CCNT1: variants seen among roughly 807,000 people sequenced by gnomAD.
CCNT1 encodes the protein cyclin-T1.
Under a neutral mutation model 67.3 loss-of-function variants are expected in CCNT1, and 18 were observed. The observed-to-expected ratio is 0.27, with a 90% confidence interval of 0.18 to 0.40. The LOEUF is 0.40. Ranked by LOEUF, CCNT1 falls within the 10% of genes least tolerant of loss-of-function variation. The pLI, the probability that CCNT1 is intolerant of heterozygous loss-of-function variation, is 1.00. For missense variants in CCNT1, 744 were observed against 884.9 expected (o/e 0.84, Z 2.02); for synonymous variants, 333 against 310.3 (o/e 1.07, Z -0.77).
chr12:48,697,724 CAGG>C (rs1350541802), intron 6 of CCNT1, among the ~76,000 whole-genome samples: 2 of 146,630 alleles, frequency 1.4e-5, no homozygotes, highest in African/African-American at 2.5e-5. Flanking sequence ...GAGGCTGAGG[CAGG>C]AGAATGGTGT....
rs772680950 is a variant in CCNT1 at position 48,699,855 on chromosome 12, T to C, written c.434-15A>G. On this transcript the variant is annotated splice_polypyrimidine_tract_variant and intron_variant, in intron 4 of 8. Coordinates refer to ENST00000261900, the MANE Select transcript of CCNT1 (RefSeq NM_001240.4). Reference sequence around the variant, plus strand: ...TAGTTCAAAGCCTTAAAAGAAAAAGTAATGGATTAAAAAACTATTAAGAAG... The same window carrying C: ...TAGTTCAAAGCCTTAAAAGAAAAAGCAATGGATTAAAAAACTATTAAGAAG... The C allele has an allele frequency of 6.5e-7, 1 of 1,529,914 alleles. No individual in the cohort carries two copies. The highest frequency in any genetic ancestry group is 1.4e-5 in the African/African-American group (1 of 72,986). The allele number at this position is 1,529,914 out of a possible 1,614,324, so 94.8% of individuals were successfully genotyped here.
At chr12:48,694,926 C>A (rs956891363) in intron 8 of CCNT1, among the ~76,000 whole-genome samples, 2 of 152,278 alleles carry the variant, frequency 1.3e-5, no homozygotes, top group Admixed American at 6.5e-5. Context: ...CGAGTTCAAG[C>A]GATTCTCCTG....
At chr12:48,700,579 A>C (rs556689879) in intron 4 of CCNT1, among the ~76,000 whole-genome samples, 1 of 152,298 alleles carries the variant, frequency 6.6e-6, no homozygotes, top group Non-Finnish European at 1.5e-5. Flanking sequence ...TAATAACACA[A>C]TATCATCAGA....
At chr12:48,711,148 G>A (rs1179242623) in intron 2 of CCNT1, among the ~76,000 whole-genome samples, 1 of 151,946 alleles carries the variant, frequency 6.6e-6, no homozygotes, top group Admixed American at 6.6e-5. Flanking sequence ...CTGGAAGGAT[G>A]AGGCGGGCAG....
At chr12:48,713,149 T>C (rs951591228) in intron 2 of CCNT1, among the ~76,000 whole-genome samples, 1 of 152,038 alleles carries the variant, frequency 6.6e-6, no homozygotes, top group Non-Finnish European at 1.5e-5. Context: ...AAATAAAATT[T>C]CTTTATTAGT....
In CCNT1 at chr12:48,714,473, C is replaced by T; in HGVS notation, c.213G>A (p.Met71Ile). ...CAGGGAACTGTGTGAAGGACTGAATCATGTAGAATCGATGCATGTATACTA... is the reference window on the plus strand; with the variant it reads ...CAGGGAACTGTGTGAAGGACTGAATTATGTAGAATCGATGCATGTATACTA... ...TAIVYMHRFYMIQSFTQFPGN... is the reference protein window; with the variant it reads ...TAIVYMHRFYIIQSFTQFPGN... Residue 71 changes from methionine (M) to isoleucine (I), a missense_variant, in exon 2 of 9, where the codon ATG (methionine) becomes ATA (isoleucine). Met to Ile is a conservative substitution (Grantham distance 10). This residue lies in a region of CCNT1 where 142 missense variants were observed against 277.0 expected (regional missense o/e 0.51). Coordinates refer to ENST00000261900, the MANE Select transcript of CCNT1 (RefSeq NM_001240.4). 1 of 1,609,380 alleles carries T rather than the reference C, an allele frequency of 6.2e-7. No homozygotes were observed. Among genetic ancestry groups the T allele is most frequent in the Non-Finnish European group, 8.5e-7 (1 of 1,175,912 alleles).
At chr12:48,703,641 AAT>A (rs1283171889) in intron 3 of CCNT1, among the ~76,000 whole-genome samples, 1 of 152,018 alleles carries the variant, frequency 6.6e-6, no homozygotes, top group Non-Finnish European at 1.5e-5. Flanking sequence ...AAAAATGTAT[AAT>A]AATATTTTTC....
chr12:48,697,573 C>T (rs1321222095), intron 6 of CCNT1, among the ~76,000 whole-genome samples: 1 of 143,582 alleles, frequency 7.0e-6, no homozygotes, highest in Non-Finnish European at 1.5e-5. Context: ...GTAATCCCAG[C>T]ACTTTGGGAG....
In CCNT1 at chr12:48,689,344, C is replaced by T. The variant is rs1940036036; in HGVS notation, c.*3689G>A. On this transcript the variant is annotated 3_prime_UTR_variant, in exon 9 of 9. Coordinates refer to ENST00000261900, the MANE Select transcript of CCNT1 (RefSeq NM_001240.4). ...TATCAGGCAGGATTACTGTACCGTG[C>T]TTGTTTCAAACTCACATCCACGGAG... is the stretch of plus-strand genomic sequence containing the variant. 6.6e-6 allele frequency: 1 copy of T among 152,202 alleles called. No individual in the cohort carries two copies. Among genetic ancestry groups the T allele is most frequent in the African/African-American group, 2.4e-5 (1 of 41,456 alleles). 9.4% of individuals were successfully genotyped at this position (152,202 alleles called of 1,614,324 possible).
At chr12:48,694,527 G>C in intron 8 of CCNT1, 91 bp from the exon 9 acceptor site, 2 of 1,155,850 alleles carry the variant, frequency 1.7e-6, no homozygotes, top group Non-Finnish European at 1.2e-6. Context: ...AGCAACACTG[G>C]AAGTTCTGGA....
chr12:48,695,725 T>C (rs772437511), intron 8 of CCNT1, 34 bp downstream of exon 8: 22 of 1,483,394 alleles, frequency 1.5e-5, no homozygotes, highest in Non-Finnish European at 2.1e-5. Context: ...AAGAAATTGA[T>C]TTTGTTCCAC....
At chr12:48,705,487 G>A (rs910361383) in intron 3 of CCNT1, 1 of 300,522 alleles carries the variant, frequency 3.3e-6, no homozygotes, top group Non-Finnish European at 6.1e-6. Flanking sequence ...TGTCCAGGTT[G>A]GTCTTAAACT....
chr12:48,709,894 C>CTTTTT (rs1256637528), intron 2 of CCNT1, among the ~76,000 whole-genome samples: 3 of 148,390 alleles, frequency 2.0e-5, no homozygotes, highest in Admixed American at 6.7e-5. Context: ...TGGGTTTCTT[C>CTTTTT]ATTTTTTTTT....
intron 2 of CCNT1, among the ~76,000 whole-genome samples, chr12:48,712,158 G>C (rs1038709746): frequency 6.6e-6 from 1 of 152,054 alleles, no homozygotes; most frequent in Non-Finnish European, 1.5e-5. Context: ...TACTGTTTCT[G>C]CCAGTTTCTT....
intron 6 of CCNT1, among the ~76,000 whole-genome samples, chr12:48,696,687 A>G (rs989598165): frequency 6.6e-6 from 1 of 152,222 alleles, no homozygotes; most frequent in African/African-American, 2.4e-5. Flanking sequence ...TACTCTCTCA[A>G]GTATAAATAT....
rs1349447704 is a variant in CCNT1, at chr12:48,693,655, T to A, written c.1559A>T (p.His520Leu). Residue 520 changes from histidine to leucine, a missense_variant, in exon 9 of 9, where the codon CAT becomes CTT. His to Leu is a moderately conservative substitution (Grantham distance 99). Coordinates refer to ENST00000261900, the MANE Select transcript of CCNT1 (RefSeq NM_001240.4). ...GTGCTTGTGTGAGTGGTGATTATGA[T>A]GATGATGATGATTAGATGGGTGAGT... ...HKTHPSNHHH[H>L]HNHHSHKHSH... 1.2e-6 allele frequency: 2 copies of A among 1,613,974 alleles called. No homozygotes were observed. Among genetic ancestry groups the A allele is most frequent in the African/African-American group, 1.3e-5 (1 of 74,902 alleles).
rs1294222112 is a variant in CCNT1, at chr12:48,694,211, G to A, written c.1003C>T (p.Leu335=). The A allele has an allele frequency of 6.2e-7, 1 of 1,614,196 alleles. No homozygotes were observed. The highest frequency in any genetic ancestry group is 8.5e-7 in the Non-Finnish European group (1 of 1,180,024). ...AGTTTGAAAGAAGGTTGGGAGGACA[G>A]CCAACGCTTGCCCGGCAACATCTCC... is the stretch of plus-strand genomic sequence containing the variant. The part of the protein sequence containing the change: ...SVEMLPGKRW[L]SSQPSFKLEP... Residue 335 remains leucine, a synonymous_variant, in exon 9 of 9, where the codon CTG becomes TTG. Transcript: ENST00000261900.
rs151016650 is a variant in CCNT1, at chr12:48,712,649, T to C, written c.243+1794A>G. On this transcript the variant is annotated intron_variant, in intron 2 of 8. Coordinates refer to ENST00000261900, the MANE Select transcript of CCNT1 (RefSeq NM_001240.4). ...GAAATACTTGACTCACAAATCCATT[T>C]GAAGTATACAGCCGGTGCAGTGGCT... Among the ~76,000 whole-genome samples the C allele has an allele frequency of 1.2e-3, 161 of 129,828 alleles. 3 individuals are homozygous for C. The East Asian group carries it at 0.032, about 26-fold the overall frequency. The allele number at this position is 129,828 out of a possible 152,430, so 85.2% of individuals were successfully genotyped here. A position where few individuals can be genotyped will look rare whatever the true frequency, so the allele number is the denominator to read the frequency against.
At chr12:48,700,991 T>C in intron 4 of CCNT1, 22 bp downstream of exon 4, 1 of 1,391,000 alleles carries the variant, frequency 7.2e-7, no homozygotes, top group Non-Finnish European at 1.0e-6. Flanking sequence ...TAAAAAAATG[T>C]TTCAAAGGAA....
Sources: allele counts gnomAD v4.1 joint callset (sites outside exome capture counted in the v4.1 genomes callset), GRCh38; gene constraint gnomAD v4.1.1; regional missense constraint gnomAD v4.1.1; transcripts MANE v1.5; gene names NCBI Gene and HGNC (gene_info 2026-07-23, HGNC 2026-07-21).